The following ZNF143 variants were observed in gnomAD, a reference collection of about 807,000 sequenced individuals.
ZNF143 encodes zinc finger protein 143.
A neutral mutation model predicts 74.1 loss-of-function variants in ZNF143; 49 were observed. The ratio of observed to expected loss-of-function variants is 0.66; its 90% CI spans 0.53 to 0.84. The LOEUF is 0.84. Ranked by LOEUF, ZNF143 falls within the 40% of genes least tolerant of loss-of-function variation. The probability of loss-of-function intolerance (pLI) is 0.00; values close to 1 mark genes in which losing one functional copy is unlikely to be tolerated. For missense variants in ZNF143, 637 were observed against 793.4 expected, an observed-to-expected ratio of 0.80 and a Z score of 2.37; for synonymous variants, 304 against 282.8, an observed-to-expected ratio of 1.07 and a Z score of -0.75.
At chr11:9,497,988 G>T (rs1342738846) in intron 10 of ZNF143, among the ~76,000 whole-genome samples, 188 bp downstream of exon 10, 1 of 152,004 alleles carries the variant, frequency 6.6e-6, no homozygotes, top group African/African-American at 2.4e-5. Context: ...CCACCACCAT[G>T]CCTGGCTAAT....
intron 4 of ZNF143, among the ~76,000 whole-genome samples, 155 bp downstream of exon 4, chr11:9,474,179 C>G (rs1196687214): frequency 6.6e-6 from 1 of 152,128 alleles, no homozygotes; most frequent in African/African-American, 2.4e-5. Context: ...GGATCTTAAC[C>G]AAGACTTTCT....
chr11:9,469,655 C>T (rs1181117481), intron 1 of ZNF143, among the ~76,000 whole-genome samples: 1 of 152,120 alleles, frequency 6.6e-6, no homozygotes, highest in African/African-American at 2.4e-5. Context: ...TCCTTTTGTA[C>T]CTAAAAGGTC....
At position 9,473,705 on chromosome 11, in the gene ZNF143, C is replaced by G; in HGVS notation, c.206-236C>G. ...AGCCTGCTGTGATGAGCCACTCTTC[C>G]TCTTGACCTCATCTAATTGAAAATT... On this transcript the variant is annotated intron_variant, in intron 3 of 15. Coordinates refer to ENST00000396602, the MANE Select transcript of ZNF143 (RefSeq NM_003442.6). The G allele has an allele frequency of 6.0e-6, 8 of 1,337,998 alleles. No homozygotes were observed. In the South Asian group the frequency reaches 1.0e-4, roughly 17 times the overall value. The allele number at this position is 1,337,998 out of a possible 1,614,324, so 82.9% of individuals were successfully genotyped here.
At chr11:9,479,430 T>G (rs116700480) in intron 6 of ZNF143, 42 bp from the exon 7 acceptor site, 3 of 1,553,434 alleles carry the variant, frequency 1.9e-6, no homozygotes, top group Non-Finnish European at 1.8e-6. Context: ...TAAACCATTA[T>G]CAAAATGTAA....
intron 1 of ZNF143, chr11:9,461,657 T>C (rs1481419506): frequency 6.6e-6 from 1 of 151,474 alleles, no homozygotes; most frequent in African/African-American, 2.4e-5. Flanking sequence ...AAAAAAAAGG[T>C]TACTGAGGTC....
chr11:9,491,255 C>CTT (rs200558663), intron 7 of ZNF143, among the ~76,000 whole-genome samples: 15 of 147,204 alleles, frequency 1.0e-4, no homozygotes, highest in African/African-American at 3.0e-4. Flanking sequence ...ATTTTACATA[C>CTT]TTTTTTTTTT....
At chr11:9,483,049 A>G (rs763374784) in intron 7 of ZNF143, among the ~76,000 whole-genome samples, 1 of 150,994 alleles carries the variant, frequency 6.6e-6, no homozygotes, top group Non-Finnish European at 1.5e-5. Context: ...GGTGGAGTGC[A>G]GTGATGTGAT....
intron 14 of ZNF143, among the ~76,000 whole-genome samples, chr11:9,523,611 G>A (rs903205998): frequency 2.6e-5 from 4 of 152,118 alleles, no homozygotes; most frequent in Non-Finnish European, 5.9e-5. Context: ...GCGGGCGCCT[G>A]TAGTCCCAGC....
At chr11:9,466,090 C>T (rs1208096850) in intron 1 of ZNF143, among the ~76,000 whole-genome samples, 1 of 151,532 alleles carries the variant, frequency 6.6e-6, no homozygotes, top group Non-Finnish European at 1.5e-5. Context: ...TCAAGTGATT[C>T]TCCTTCCTCA....
chr11:9,495,810 T>G (rs752468120), intron 8 of ZNF143, among the ~76,000 whole-genome samples: 6 of 152,256 alleles, frequency 3.9e-5, no homozygotes, highest in Non-Finnish European at 8.8e-5. Context: ...TCATTGTTAC[T>G]CATTTGTCAT....
Position 9,483,740 on chromosome 11 carries a change from G to T in ZNF143, c.645+4194G>T, listed in dbSNP as rs568502648. On this transcript the variant is annotated intron_variant, in intron 7 of 15. Coordinates refer to ENST00000396602, the MANE Select transcript of ZNF143 (RefSeq NM_003442.6). ...ATTATAGGTGTGAACCAATTTGCCCGGCCGGAATTCTTTTTTTTTTTTTTT... is the reference window on the plus strand; with the variant it reads ...ATTATAGGTGTGAACCAATTTGCCCTGCCGGAATTCTTTTTTTTTTTTTTT... Among the ~76,000 whole-genome samples the T allele has an allele frequency of 4.0e-5, 6 of 149,704 alleles. No homozygotes were observed. In the South Asian group the frequency reaches 1.1e-3, roughly 26 times the overall value.
intron 10 of ZNF143, among the ~76,000 whole-genome samples, chr11:9,499,587 C>T (rs1000593752): frequency 3.9e-5 from 6 of 152,096 alleles, no homozygotes; most frequent in African/African-American, 1.4e-4. Context: ...TGCCTGTGGT[C>T]GCAGCTACCC....
At chr11:9,516,473 T>C in intron 14 of ZNF143, 111 bp downstream of exon 14, 1 of 1,064,208 alleles carries the variant, frequency 9.4e-7, no homozygotes, top group Non-Finnish European at 1.3e-6. Context: ...GAGTGACTAA[T>C]ATTTTGTAAC....
At chr11:9,497,994 C>T (rs1848027009) in intron 10 of ZNF143, among the ~76,000 whole-genome samples, 194 bp downstream of exon 10, 1 of 152,116 alleles carries the variant, frequency 6.6e-6, no homozygotes, top group African/African-American at 2.4e-5. Flanking sequence ...CCATGCCTGG[C>T]TAATTTTTTG....
At chr11:9,515,162 CAG>C (rs1848679571) in intron 13 of ZNF143, among the ~76,000 whole-genome samples, 3 of 151,978 alleles carry the variant, frequency 2.0e-5, no homozygotes, top group South Asian at 2.1e-4. Flanking sequence ...TGGGCAGTCA[CAG>C]GGGATTTCAG....
chr11:9,499,663 C>A (rs1183006200), intron 10 of ZNF143, among the ~76,000 whole-genome samples: 1 of 152,142 alleles, frequency 6.6e-6, no homozygotes, highest in Non-Finnish European at 1.5e-5. Flanking sequence ...AACCATCGTG[C>A]CTGTGAAGAG....
intron 1 of ZNF143, among the ~76,000 whole-genome samples, chr11:9,470,827 A>G (rs576533689): frequency 9.2e-5 from 14 of 152,056 alleles, no homozygotes; most frequent in Non-Finnish European, 1.5e-4. Flanking sequence ...GAAGCAGGGA[A>G]ATAAGTTAGG....
At chr11:9,505,602 C>G (rs1848335076) in intron 11 of ZNF143, among the ~76,000 whole-genome samples, 1 of 151,970 alleles carries the variant, frequency 6.6e-6, no homozygotes, top group Non-Finnish European at 1.5e-5. Context: ...TAATTATGGC[C>G]AGGCATGGTG....
At chr11:9,469,716 G>T (rs1968717) in intron 1 of ZNF143, among the ~76,000 whole-genome samples, 68,474 of 151,504 alleles carry the variant, frequency 0.45, 15,867 homozygotes, top group Non-Finnish European at 0.52. Flanking sequence ...CAGCTAATTT[G>T]TTAATATTTT....
Sources: allele counts gnomAD v4.1 joint callset (sites outside exome capture counted in the v4.1 genomes callset), GRCh38; gene constraint gnomAD v4.1.1; transcripts MANE v1.5; gene names NCBI Gene and HGNC (gene_info 2026-07-23, HGNC 2026-07-21).